NEB: variants seen among roughly 807,000 people sequenced by gnomAD.
NEB encodes the protein nemaline myopathy type 2.
In NEB, 512 loss-of-function variants were observed where a neutral mutation model predicts 952.2. The ratio of observed to expected loss-of-function variants is 0.54; its 90% CI spans 0.50 to 0.58. NEB has a LOEUF of 0.58. Ranked by LOEUF, NEB falls within the 20% of genes least tolerant of loss-of-function variation. NEB has a pLI of 0.00. For synonymous variants in NEB, 2,900 were observed against 3,149.8 expected, an observed-to-expected ratio of 0.92 and a Z score of 2.66; for missense variants, 8,428 against 9,231.1, an observed-to-expected ratio of 0.91 and a Z score of 3.56.
intron 77 of NEB, among the ~76,000 whole-genome samples, chr2:151,613,633 G>A (rs1197288027): frequency 1.3e-5 from 2 of 152,190 alleles, no homozygotes; most frequent in Non-Finnish European, 2.9e-5. Flanking sequence ...CAGATCTCAT[G>A]TTGAATTGTA....
chr2:151,563,569 G>A, intron 119 of NEB, 37 bp downstream of exon 119: 1 of 1,542,892 alleles, frequency 6.5e-7, no homozygotes, highest in Non-Finnish European at 9.0e-7. Context: ...CACACTTATG[G>A]GGCACAAATC....
Position 151,551,820 on chromosome 2 carries a change from T to G in NEB, c.19862A>C (p.His6621Pro). The G allele has an allele frequency of 6.2e-7, 1 of 1,613,254 alleles. No homozygotes were observed. The change falls in exon 129 of 182, where the codon CAC (histidine) becomes CCC (proline). Residue 6621 changes from histidine (H) to proline (P), a missense_variant. Coordinates refer to ENST00000397345, the MANE Select transcript of NEB (RefSeq NM_001164508.2). ...SDAVYHYDYVHSVRGKVAPTT... is the reference protein window; with the variant it reads ...SDAVYHYDYVPSVRGKVAPTT... ...TGGAGCCACTTTGCCTCTGACACTG[T>G]GCACATAGTCATAGTGGTAGACAGC... is the stretch of plus-strand genomic sequence containing the variant.
chr2:151,608,899 G>A (rs1238636484), intron 81 of NEB, among the ~76,000 whole-genome samples: 3 of 27,124 alleles, frequency 1.1e-4, no homozygotes, highest in Non-Finnish European at 2.1e-4. Context: ...GCAAACCTCC[G>A]TCTCACAAAA....
At chr2:151,701,459 C>T (rs1312173339) in intron 13 of NEB, among the ~76,000 whole-genome samples, 1 of 149,248 alleles carries the variant, frequency 6.7e-6, no homozygotes, top group African/African-American at 2.5e-5. Flanking sequence ...CCTCCTTGTA[C>T]CTCTGATAGA....
At chr2:151,534,859 C>T (rs997501692) in intron 142 of NEB, among the ~76,000 whole-genome samples, 7 of 152,302 alleles carry the variant, frequency 4.6e-5, no homozygotes, top group Non-Finnish European at 8.8e-5. Context: ...GTTGTCCAGT[C>T]TGGAAATCTA....
chr2:151,494,336 T>C (rs2152879866), intron 173 of NEB, 83 bp from the exon 174 acceptor site: 3 of 948,664 alleles, frequency 3.2e-6, no homozygotes, highest in Middle Eastern at 2.1e-4. Context: ...AGATAACTTT[T>C]GATTATCTTT....
rs1283618595 is a variant in NEB, at chr2:151,650,390, A to T, written c.7228-11T>A. 6.2e-7 allele frequency: 1 copy of T among 1,611,954 alleles called. No homozygotes were observed. Among genetic ancestry groups the T allele is most frequent in the Non-Finnish European group, 8.5e-7 (1 of 1,178,120 alleles). ...AGATTTATATAGATTCTGTGAAAAG[A>T]CAGAGCAAGCCATCAAAATCCCATT... On this transcript the variant is annotated splice_polypyrimidine_tract_variant and intron_variant, in intron 53 of 181. Transcript: ENST00000397345.
chr2:151,658,781 G>T (rs2099114237), intron 47 of NEB, among the ~76,000 whole-genome samples: 1 of 151,832 alleles, frequency 6.6e-6, no homozygotes, highest in African/African-American at 2.4e-5. Flanking sequence ...TCTTCTCCTG[G>T]CCCCGGAGCC....
chr2:151,685,176 A>G (rs2099485429), intron 27 of NEB, among the ~76,000 whole-genome samples: 1 of 152,172 alleles, frequency 6.6e-6, no homozygotes, highest in Non-Finnish European at 1.5e-5. Context: ...TCTCAAATCA[A>G]TGAGAAACTG....
At chr2:151,509,441 G>A (rs769046502) in intron 161 of NEB, among the ~76,000 whole-genome samples, 4 of 151,960 alleles carry the variant, frequency 2.6e-5, no homozygotes, top group Non-Finnish European at 5.9e-5. Flanking sequence ...CAACTGGTTT[G>A]CAGAGCTGGT....
At chr2:151,680,113 A>C in intron 30 of NEB, 91 bp from the exon 31 acceptor site, 1 of 973,940 alleles carries the variant, frequency 1.0e-6, no homozygotes, top group Non-Finnish European at 1.6e-6. Flanking sequence ...ATCATATTTC[A>C]CAGAGGTGGT....
chr2:151,525,877 A>T (rs2085441505), intron 150 of NEB, 81 bp downstream of exon 150: 1 of 1,105,636 alleles, frequency 9.0e-7, no homozygotes, highest in African/African-American at 1.5e-5. Context: ...AAAGGAAGCA[A>T]AAGGCAACTG....
At position 151,507,210 on chromosome 2, in the gene NEB, G is replaced by A; in HGVS notation, c.23452-197C>T. 7.7e-6 allele frequency: 4 copies of A among 519,460 alleles called. No homozygotes were observed. In the South Asian group the frequency reaches 9.8e-5, roughly 13 times the overall value. The allele number at this position is 519,460 out of a possible 1,614,324, so 32.2% of individuals were successfully genotyped here. A position where few individuals can be genotyped will look rare whatever the true frequency, so the allele number is the denominator to read the frequency against. ...AAACTAATTTTAAAAAACATATAAA[G>A]CTAGGGGTTTGTTTTTGTTTAAGTA... On this transcript the variant is annotated intron_variant, in intron 162 of 181. Transcript: ENST00000397345.
At chr2:151,487,555 C>G (rs890604006) in intron 181 of NEB, among the ~76,000 whole-genome samples, 2 of 152,078 alleles carry the variant, frequency 1.3e-5, no homozygotes, top group African/African-American at 4.8e-5. Flanking sequence ...CCCTTTTTGA[C>G]TGCTGCAGAG....
At position 151,503,386 on chromosome 2, in the gene NEB, A is replaced by T. The variant is rs140967744; in HGVS notation, c.23798T>A (p.Ile7933Asn). 5.0e-6 allele frequency: 8 copies of T among 1,612,786 alleles called. No homozygotes were observed. The highest frequency in any genetic ancestry group is 6.8e-6 in the Non-Finnish European group (8 of 1,179,124). ...CTCTTGATTGCGTTTGACTCTCTCAATCTCTGGAGTCACAGTGGTTGGAAT... is the reference window on the plus strand; with the variant it reads ...CTCTTGATTGCGTTTGACTCTCTCATTCTCTGGAGTCACAGTGGTTGGAAT... Reference protein sequence around the residue: ...TGIPTTVTPEIERVKRNQENF... With the variant: ...TGIPTTVTPENERVKRNQENF... Residue 7933 changes from isoleucine to asparagine, a missense_variant, in exon 166 of 182, where the codon ATT becomes AAT. Ile to Asn is a moderately radical substitution (Grantham distance 149, BLOSUM62 -3). This residue lies in a region of NEB where 3,374 missense variants were observed against 3,651.5 expected (regional missense o/e 0.92). Transcript: ENST00000397345.
In NEB at chr2:151,618,551, T is replaced by C; in HGVS notation, c.10873-73A>G. ...TTCATAGTTACAAAATGGGTTATCC[T>C]AGAGAAACACAAAAATACCGATGAA... On this transcript the variant is annotated intron_variant, in intron 73 of 181. Transcript: ENST00000397345. 5.0e-6 allele frequency: 7 copies of C among 1,397,006 alleles called. No homozygotes were observed. In the South Asian group the frequency reaches 8.8e-5, roughly 18 times the overall value. 86.5% of individuals were successfully genotyped at this position (1,397,006 alleles called of 1,614,324 possible).
intron 46 of NEB, 24 bp from the exon 47 acceptor site, chr2:151,659,193 A>T (rs1049027074): frequency 5.3e-6 from 8 of 1,515,160 alleles, no homozygotes; most frequent in Middle Eastern, 3.4e-4. Flanking sequence ...AGTGTAAATT[A>T]GTGTTTAAAA....
chr2:151,643,868 C>T lies in NEB; in HGVS notation c.7906G>A (p.Asp2636Asn), dbSNP rs760643814. The T allele has an allele frequency of 1.4e-5, 23 of 1,613,900 alleles. No individual in the cohort carries two copies. The highest frequency in any genetic ancestry group is 9.3e-5 in the African/African-American group (7 of 74,926). The change falls in exon 57 of 182, where the codon GAC (aspartate) becomes AAC (asparagine). Residue 2636 changes from aspartate (D) to asparagine (N), a missense_variant. Physicochemically the swap from Asp to Asn is conservative, Grantham distance 23 (BLOSUM62 1). This residue lies in a region of NEB where 1,772 missense variants were observed against 1,960.3 expected (regional missense o/e 0.90). Transcript: ENST00000397345. ...CGAGCATGGATGACATCGCTCTGGT[C>T]GGGCAGGCATGTCCACTGGTGCAGG... ...NYLHQWTCLPDQSDVIHARQA... is the reference protein window; with the variant it reads ...NYLHQWTCLPNQSDVIHARQA...
rs575160299 is a variant in NEB, at chr2:151,547,068, T to C, written c.20367+361A>G. Among the ~76,000 whole-genome samples, 155 of 152,228 alleles carry C rather than the reference T, an allele frequency of 1.0e-3. No individual in the cohort carries two copies. The Middle Eastern group carries it at 0.01, about 10-fold the overall frequency. ...GAAAAAAATGGCAGCAAGAAGTTGC[T>C]AATGAGGTCAGAGTAGGGATGAGTG... is the stretch of plus-strand genomic sequence containing the variant. On this transcript the variant is annotated intron_variant, in intron 133 of 181. Coordinates refer to ENST00000397345, the MANE Select transcript of NEB (RefSeq NM_001164508.2).
Sources: gnomAD v4.1 joint callset for allele counts (sites outside exome capture counted in the v4.1 genomes callset) on GRCh38, gnomAD v4.1.1 for gene constraint, gnomAD v4.1.1 regional missense constraint, MANE v1.5 for transcripts, NCBI Gene and HGNC (gene_info 2026-07-23, HGNC 2026-07-21) for gene names.